Variants in ATAD2B observed in about 807,000 individuals in gnomAD.
ATAD2B encodes the protein ATPase family AAA domain-containing protein 2B.
In ATAD2B, 40 loss-of-function variants were observed where a neutral mutation model predicts 167.6. The observed-to-expected ratio is 0.24, with a 90% CI of 0.19 to 0.31. The LOEUF is 0.31. ATAD2B is among the 10% of genes least tolerant of loss of function. The pLI, the probability that ATAD2B is intolerant of heterozygous loss-of-function variation, is 1.00. For missense variants in ATAD2B, 1,242 were observed against 1,757.2 expected (o/e 0.71, Z 5.24); for synonymous variants, 579 against 596.5 (o/e 0.97, Z 0.43).
At chr2:23,691,567 C>T in the ATAD2B span, 1 of 933,980 alleles carries the variant, frequency 1.1e-6, no homozygotes, top group Non-Finnish European at 1.6e-6. Context: ...CCTTTGAGCC[C>T]TAAAACCAAG....
At chr2:23,791,798 T>C (rs918167117) in intron 19 of ATAD2B, among the ~76,000 whole-genome samples, 1 of 152,212 alleles carries the variant, frequency 6.6e-6, no homozygotes, top group Non-Finnish European at 1.5e-5. Context: ...ACACTGAGGA[T>C]GTTTCCACCT....
chr2:23,810,283 A>G (rs756944747), intron 18 of ATAD2B, 33 bp downstream of exon 18: 27 of 1,560,620 alleles, frequency 1.7e-5, no homozygotes, highest in Non-Finnish European at 2.3e-5. Context: ...GCAATAAGAA[A>G]GTTGGAAGTG....
Position 23,848,629 on chromosome 2 carries a change from A to G in ATAD2B, c.1568+8786T>C, listed in dbSNP as rs188884333. Among the ~76,000 whole-genome samples, 10 of 152,388 alleles carry G rather than the reference A, an allele frequency of 6.6e-5. No individual in the cohort carries two copies. In the East Asian group the frequency reaches 1.9e-3, roughly 29 times the overall value. ...GTTAAAGACATATACCATAAACCCT[A>G]AAGTTACTATGAAAATAATAAACAG... On this transcript the variant is annotated intron_variant, in intron 13 of 27. Transcript: ENST00000238789.
intron 1 of ATAD2B, among the ~76,000 whole-genome samples, chr2:23,916,486 A>G (rs1703057418): frequency 6.6e-6 from 1 of 152,210 alleles, no homozygotes; most frequent in Non-Finnish European, 1.5e-5. Flanking sequence ...TTCAAGTCCA[A>G]AAATATCAGA....
chr2:23,896,448 A>T (rs1700166809), intron 1 of ATAD2B, among the ~76,000 whole-genome samples: 1 of 152,220 alleles, frequency 6.6e-6, no homozygotes. Flanking sequence ...AACAAGAAAG[A>T]TTACATTTAT....
intron 13 of ATAD2B, among the ~76,000 whole-genome samples, chr2:23,853,544 G>T (rs1409095600): frequency 1.3e-5 from 2 of 152,038 alleles, no homozygotes; most frequent in African/African-American, 4.8e-5. Context: ...ATAAGACACA[G>T]GAAAAGGAAA....
chr2:23,868,052 C>G, intron 9 of ATAD2B, 106 bp from the exon 10 acceptor site: 1 of 725,102 alleles, frequency 1.4e-6, no homozygotes, highest in Admixed American at 2.6e-5. Context: ...TCCTTTTTCT[C>G]ATAACCCAGA....
intron 4 of ATAD2B, 86 bp from the exon 5 acceptor site, chr2:23,885,915 T>C: frequency 1.3e-6 from 1 of 763,228 alleles, no homozygotes; most frequent in Non-Finnish European, 2.1e-6. Context: ...AATCAAATCA[T>C]CTCTGATGTG....
chr2:23,824,350 G>A (rs1687920340), intron 15 of ATAD2B, among the ~76,000 whole-genome samples: 1 of 152,102 alleles, frequency 6.6e-6, no homozygotes, highest in South Asian at 2.1e-4. Flanking sequence ...CATTAGGTTA[G>A]TCCTCATGAC....
At chr2:23,737,447 G>A in the ATAD2B span, among the ~76,000 whole-genome samples, 1 of 152,160 alleles carries the variant, frequency 6.6e-6, no homozygotes, top group Non-Finnish European at 1.5e-5. Context: ...AGTCTGGAGT[G>A]GACCTCTAGC....
chr2:23,720,638 C>T, the ATAD2B span, among the ~76,000 whole-genome samples: 1 of 151,908 alleles, frequency 6.6e-6, no homozygotes, highest in South Asian at 2.1e-4. Context: ...GCAGCCCTGT[C>T]TCCCCTGCCC....
chr2:23,700,324 A>AAATT, the ATAD2B span, among the ~76,000 whole-genome samples: 2 of 152,228 alleles, frequency 1.3e-5, no homozygotes, highest in African/African-American at 2.4e-5. This position sits in a 1 kb window ranked among gnomAD's most constrained non-coding sequence, Gnocchi z 4.6. Flanking sequence ...TAATTATTAA[A>AAATT]AATTATATAC....
At chr2:23,742,462 C>A in the ATAD2B span, among the ~76,000 whole-genome samples, 3 of 149,672 alleles carry the variant, frequency 2.0e-5, no homozygotes, top group Admixed American at 2.0e-4. Context: ...GGACAAAAAA[C>A]CAAACACCAC....
At chr2:23,765,115 T>C (rs901862318) in intron 23 of ATAD2B, among the ~76,000 whole-genome samples, 2 of 152,222 alleles carry the variant, frequency 1.3e-5, no homozygotes, top group African/African-American at 4.8e-5. Context: ...CAAAATTGCA[T>C]ATAAATTTCA....
At chr2:23,758,654 T>C (rs763143328) in intron 24 of ATAD2B, among the ~76,000 whole-genome samples, 4 of 152,228 alleles carry the variant, frequency 2.6e-5, no homozygotes, top group Non-Finnish European at 5.9e-5. Flanking sequence ...TGACCATGGA[T>C]AGATGCCTTA....
At chr2:23,812,099 A>C (rs895143484) in intron 17 of ATAD2B, among the ~76,000 whole-genome samples, 7 of 152,090 alleles carry the variant, frequency 4.6e-5, no homozygotes, top group Non-Finnish European at 1.0e-4. Flanking sequence ...AGAATAAAGC[A>C]AATTTAAAAT....
At chr2:23,692,718 G>A in the ATAD2B span, among the ~76,000 whole-genome samples, 1 of 151,732 alleles carries the variant, frequency 6.6e-6, no homozygotes. Flanking sequence ...AACAGGATAC[G>A]GAGATGGCTC....
chr2:23,781,566 G>C (rs1680061153), intron 22 of ATAD2B, among the ~76,000 whole-genome samples: 1 of 151,806 alleles, frequency 6.6e-6, no homozygotes, highest in South Asian at 2.1e-4. Flanking sequence ...TCGGGAGGCT[G>C]AGCCAGGAGA....
intron 1 of ATAD2B, among the ~76,000 whole-genome samples, chr2:23,905,653 G>A (rs923614191): frequency 1.3e-5 from 2 of 152,176 alleles, no homozygotes; most frequent in African/African-American, 4.8e-5. Flanking sequence ...GAAGAATCAA[G>A]GAGGTACTGT....
Sources: allele counts gnomAD v4.1 joint callset (sites outside exome capture counted in the v4.1 genomes callset), GRCh38; gene constraint gnomAD v4.1.1; non-coding constraint Gnocchi (gnomAD v3.1); transcripts MANE v1.5; gene names NCBI Gene and HGNC (gene_info 2026-07-23, HGNC 2026-07-21).